The following TMEM266 variants were observed in gnomAD, a reference collection of about 807,000 sequenced individuals.
The protein encoded by TMEM266 is transmembrane protein 266.
TMEM266 carries 33 observed loss-of-function variants against 50.5 expected under a neutral mutation model. That is an observed-to-expected ratio of 0.65 (90% CI 0.50 to 0.87). The LOEUF is 0.87. Ranked by LOEUF, TMEM266 falls within the 40% of genes least tolerant of loss-of-function variation. The pLI is 0.00. For missense variants in TMEM266, 655 were observed against 695.1 expected (o/e 0.94, Z 0.65); for synonymous variants, 310 against 292.3 (o/e 1.06, Z -0.62).
Position 76,203,605 on chromosome 15 carries a change from C to A in TMEM266, c.1022-136C>A. ...GAACTGGGAGGGAGTTCTACCAAGG[C>A]CTCCTTCCACAAAGGCACGGTCTCC... On this transcript the variant is annotated intron_variant, in intron 10 of 10. Transcript: ENST00000388942. 3.9e-6 allele frequency: 3 copies of A among 763,548 alleles called. No individual in the cohort carries two copies. In the South Asian group the frequency reaches 5.1e-5, roughly 13 times the overall value. The allele number at this position is 763,548 out of a possible 1,614,324, so 47.3% of individuals were successfully genotyped here.
intron 1 of TMEM266, among the ~76,000 whole-genome samples, chr15:76,068,611 T>TA (rs1417050628): frequency 1.3e-5 from 2 of 152,126 alleles, no homozygotes; most frequent in Non-Finnish European, 2.9e-5. Context: ...TGTACCCTTA[T>TA]AAAAAGAGGA....
intron 8 of TMEM266, among the ~76,000 whole-genome samples, chr15:76,188,897 A>C (rs1282447207): frequency 6.6e-6 from 1 of 152,182 alleles, no homozygotes; most frequent in Non-Finnish European, 1.5e-5. Flanking sequence ...TATCTCTTGG[A>C]CAAGTACAGT....
rs757584641 is a variant in TMEM266, at chr15:76,204,028, G to C, written c.1309G>C (p.Glu437Gln). 20 of 1,610,072 alleles carry C rather than the reference G, an allele frequency of 1.2e-5. No homozygotes were observed. The Admixed American group carries it at 3.3e-4, about 27-fold the overall frequency. ...GCTGCCATCCCAGCAGCAGGTGGAG[G>C]AGGCCACAGTCCAGGACCTGCTGTC... Residue 437 changes from glutamate (E) to glutamine (Q), a missense_variant, in exon 11 of 11, where the codon GAG becomes CAG. Transcript: ENST00000388942.
chr15:76,170,524 C>T (rs1173876982), intron 6 of TMEM266, among the ~76,000 whole-genome samples: 1 of 152,190 alleles, frequency 6.6e-6, no homozygotes, highest in Middle Eastern at 3.2e-3. Flanking sequence ...CAGGCTGGGC[C>T]CACTTCTCAC....
chr15:76,074,314 A>T (rs1012206248), intron 1 of TMEM266, among the ~76,000 whole-genome samples: 2 of 152,000 alleles, frequency 1.3e-5, no homozygotes, highest in Non-Finnish European at 1.5e-5. Context: ...AACCATGTTT[A>T]AATGTATGGT....
Position 76,204,481 on chromosome 15 carries a change from T to G in TMEM266, c.*166T>G. On this transcript the variant is annotated 3_prime_UTR_variant, in exon 11 of 11. Coordinates refer to ENST00000388942, the MANE Select transcript of TMEM266 (RefSeq NM_152335.3). ...GACGCCAGGCCAGGAGGCCACAAGC[T>G]TCAGACCTCAAAGCCCAGAGCTGGC... is the stretch of plus-strand genomic sequence containing the variant. 1.7e-6 allele frequency: 1 copy of G among 602,152 alleles called. No homozygotes were observed. The highest frequency in any genetic ancestry group is 2.9e-6 in the Non-Finnish European group (1 of 348,346). The allele number at this position is 602,152 out of a possible 1,614,324, so 37.3% of individuals were successfully genotyped here.
At chr15:76,094,340 C>T (rs537406071) in intron 1 of TMEM266, among the ~76,000 whole-genome samples, 38 of 152,020 alleles carry the variant, frequency 2.5e-4, no homozygotes, top group Non-Finnish European at 4.9e-4. Context: ...AGATGGCTAG[C>T]CAGTTTTCCC....
At chr15:76,177,282 G>A (rs1216528604) in intron 8 of TMEM266, among the ~76,000 whole-genome samples, 1 of 152,244 alleles carries the variant, frequency 6.6e-6, no homozygotes, top group Non-Finnish European at 1.5e-5. Flanking sequence ...CGCGTTGTAG[G>A]TCTTGGTCAA....
At chr15:76,145,494 C>G (rs1309136423) in intron 3 of TMEM266, among the ~76,000 whole-genome samples, 2 of 152,220 alleles carry the variant, frequency 1.3e-5, no homozygotes, top group Non-Finnish European at 2.9e-5. Context: ...AAGCCTCCAG[C>G]AGCTCTCTCC....
At chr15:76,190,995 A>G (rs2038559439) in intron 8 of TMEM266, among the ~76,000 whole-genome samples, 1 of 152,208 alleles carries the variant, frequency 6.6e-6, no homozygotes, top group Admixed American at 6.5e-5. Context: ...TGTCAGACCT[A>G]AACTCCTCGT....
At chr15:76,186,833 C>T (rs1053872231) in intron 8 of TMEM266, among the ~76,000 whole-genome samples, 5 of 152,166 alleles carry the variant, frequency 3.3e-5, no homozygotes, top group African/African-American at 1.2e-4. Flanking sequence ...TGGAGGATTC[C>T]AGTGGTTTCT....
At position 76,161,695 on chromosome 15, in the gene TMEM266, C is replaced by T. The variant is rs774312621; in HGVS notation, c.456+1527C>T. Among the ~76,000 whole-genome samples the T allele has an allele frequency of 6.6e-6, 1 of 152,160 alleles. No individual in the cohort carries two copies. The highest frequency in any genetic ancestry group is 1.5e-5 in the Non-Finnish European group (1 of 68,020). ...GCAGCACTGCCCTCCCAGAAGGGGT[C>T]CTAACCACCTCCCTGAGACCATTGC... On this transcript the variant is annotated intron_variant, in intron 5 of 10. Transcript: ENST00000388942. The surrounding 1 kb of genome is among the most constrained non-coding windows in gnomAD (Gnocchi z 4.1).
chr15:76,173,922 G>T (rs2038226240), intron 7 of TMEM266, among the ~76,000 whole-genome samples: 1 of 147,966 alleles, frequency 6.8e-6, no homozygotes, highest in African/African-American at 2.5e-5. Flanking sequence ...GACAGGGTGA[G>T]ACTCGGTCTC....
At chr15:76,072,013 G>A (rs1369944007) in intron 1 of TMEM266, among the ~76,000 whole-genome samples, 1 of 152,134 alleles carries the variant, frequency 6.6e-6, no homozygotes, top group Non-Finnish European at 1.5e-5. Context: ...AAGGGGCAGG[G>A]AAGAGAGAGC....
Position 76,134,178 on chromosome 15 carries a change from TTG to T in TMEM266, c.-84_-83del. ...TATTTTTGTTTTCAGGGCACTATAT[TTG>T]TATGTGTCTTGTAGAACCCACGCTT... On this transcript the variant is annotated 5_prime_UTR_variant, in exon 2 of 11. Coordinates refer to ENST00000388942, the MANE Select transcript of TMEM266 (RefSeq NM_152335.3). 2 of 1,464,254 alleles carry T rather than the reference TTG, an allele frequency of 1.4e-6. No homozygotes were observed. The highest frequency in any genetic ancestry group is 1.9e-6 in the Non-Finnish European group (2 of 1,050,080). 90.7% of individuals were successfully genotyped at this position (1,464,254 alleles called of 1,614,324 possible). A position where few individuals can be genotyped will look rare whatever the true frequency, so the allele number is the denominator to read the frequency against.
chr15:76,127,944 G>A (rs1050849562), intron 1 of TMEM266, among the ~76,000 whole-genome samples: 11 of 152,126 alleles, frequency 7.2e-5, no homozygotes, highest in African/African-American at 2.7e-4. Flanking sequence ...CATGGGCGGA[G>A]CCAGCAAGCT....
At chr15:76,102,770 C>G (rs1177783616) in intron 1 of TMEM266, among the ~76,000 whole-genome samples, 1 of 141,380 alleles carries the variant, frequency 7.1e-6, no homozygotes, top group Non-Finnish European at 1.5e-5. Context: ...ACCCGGGAGG[C>G]GGAGGTTGCA....
At chr15:76,093,622 T>C in intron 1 of TMEM266, among the ~76,000 whole-genome samples, 1 of 152,142 alleles carries the variant, frequency 6.6e-6, no homozygotes, top group African/African-American at 2.4e-5. Context: ...CCTTTGGGTA[T>C]ATACCCAGTA....
chr15:76,165,903 C>T (rs758979488), intron 5 of TMEM266, among the ~76,000 whole-genome samples: 2 of 152,108 alleles, frequency 1.3e-5, no homozygotes, highest in African/African-American at 2.4e-5. Flanking sequence ...GGGGCAGGGT[C>T]GCCTCACACA....
Sources: allele counts gnomAD v4.1 joint callset (sites outside exome capture counted in the v4.1 genomes callset), GRCh38; gene constraint gnomAD v4.1.1; non-coding constraint Gnocchi (gnomAD v3.1); transcripts MANE v1.5; gene names NCBI Gene and HGNC (gene_info 2026-07-23, HGNC 2026-07-21).